The following GOLM2 variants were observed in gnomAD, a reference collection of about 807,000 sequenced individuals.
GOLM2 encodes protein GOLM2.
GOLM2 carries 26 observed loss-of-function variants against 55.9 expected under a neutral mutation model. The ratio of observed to expected loss-of-function variants is 0.47; its 90% CI spans 0.34 to 0.65. GOLM2 has a LOEUF of 0.65. Ranked by LOEUF, GOLM2 falls within the 30% of genes least tolerant of loss-of-function variation. The pLI, the probability that GOLM2 is intolerant of heterozygous loss-of-function variation, is 0.01. For synonymous variants in GOLM2, 165 were observed against 194.6 expected (o/e 0.85, Z 1.27); for missense variants, 486 against 531.8 (o/e 0.91, Z 0.85).
chr15:44,360,614 A>G (rs558591385), intron 6 of GOLM2, among the ~76,000 whole-genome samples: 2 of 152,308 alleles, frequency 1.3e-5, no homozygotes, highest in South Asian at 2.1e-4. Context: ...GGTGACTTTA[A>G]TGGGTGACTG....
intron 8 of GOLM2, among the ~76,000 whole-genome samples, chr15:44,392,583 A>G (rs1476759441): frequency 2.0e-5 from 3 of 151,810 alleles, no homozygotes; most frequent in Non-Finnish European, 4.4e-5. Flanking sequence ...AGATTGTGCC[A>G]CTGCACTCCA....
At chr15:44,389,097 G>A (rs774250143) in intron 8 of GOLM2, among the ~76,000 whole-genome samples, 1 of 152,070 alleles carries the variant, frequency 6.6e-6, no homozygotes, top group African/African-American at 2.4e-5. Context: ...GATTACAGGC[G>A]TGAGCCACCA....
rs58317520 is a variant in GOLM2 at position 44,369,067 on chromosome 15, T to TTATATA, written c.803-10578_803-10573dup. The stretch of plus-strand genomic sequence containing the variant: ...AGATATATACATATAATAGGATATA[T>TTATATA]TATATATATATATATATATATATAT... On this transcript the variant is annotated intron_variant, in intron 6 of 9. Transcript: ENST00000299957. Among the ~76,000 whole-genome samples the TTATATA allele has an allele frequency of 7.8e-3, 178 of 22,928 alleles. 15 individuals carry two copies. The highest frequency in any genetic ancestry group is 0.011 in the South Asian group (6 of 534). The allele number at this position is 22,928 out of a possible 152,430, so 15.0% of individuals were successfully genotyped here. A position where few individuals can be genotyped will look rare whatever the true frequency, so the allele number is the denominator to read the frequency against.
chr15:44,385,338 C>A, intron 8 of GOLM2, among the ~76,000 whole-genome samples: 1 of 133,714 alleles, frequency 7.5e-6, no homozygotes, highest in African/African-American at 2.7e-5. Context: ...CTCCCTCCCT[C>A]CCTTCCTCCC....
At chr15:44,316,637 C>T (rs2141125036) in intron 1 of GOLM2, among the ~76,000 whole-genome samples, 1 of 152,118 alleles carries the variant, frequency 6.6e-6, no homozygotes, top group East Asian at 1.9e-4. Context: ...CGCCTGTAAT[C>T]CCAGCTGCCC....
intron 9 of GOLM2, among the ~76,000 whole-genome samples, chr15:44,412,731 T>C (rs2079646474): frequency 6.6e-6 from 1 of 152,110 alleles, no homozygotes; most frequent in Admixed American, 6.6e-5. Flanking sequence ...GGCTGGGCAC[T>C]GTGGCTCACG....
chr15:44,394,014 G>A (rs2079508803), intron 8 of GOLM2, among the ~76,000 whole-genome samples: 1 of 152,146 alleles, frequency 6.6e-6, no homozygotes, highest in African/African-American at 2.4e-5. Context: ...TTTATACAAG[G>A]GACTTTAACA....
intron 9 of GOLM2, chr15:44,409,587 T>G (rs1295444222): frequency 3.0e-5 from 2 of 66,134 alleles, no homozygotes; most frequent in Non-Finnish European, 5.0e-5. Flanking sequence ...CAAGACCCTC[T>G]CTCTCAAAAA....
intron 4 of GOLM2, among the ~76,000 whole-genome samples, chr15:44,335,015 ACGAGACTACATC>A (rs1440240903): frequency 1.3e-5 from 2 of 152,198 alleles, no homozygotes; most frequent in Non-Finnish European, 2.9e-5. Context: ...TGACAGCAGA[ACGAGACTACATC>A]TCAAAAATTA....
At chr15:44,343,957 A>G (rs1009522262) in intron 6 of GOLM2, among the ~76,000 whole-genome samples, 1 of 152,034 alleles carries the variant, frequency 6.6e-6, no homozygotes, top group Non-Finnish European at 1.5e-5. Flanking sequence ...CTATCTTTAA[A>G]TATACCTCTG....
intron 6 of GOLM2, among the ~76,000 whole-genome samples, chr15:44,377,398 T>C (rs1268089484): frequency 1.3e-5 from 2 of 152,090 alleles, no homozygotes; most frequent in Admixed American, 1.3e-4. Flanking sequence ...AAATAATCCT[T>C]GTGACTCTGC....
intron 6 of GOLM2, among the ~76,000 whole-genome samples, chr15:44,357,194 GAA>G (rs941347726): frequency 3.3e-5 from 5 of 151,292 alleles, no homozygotes; most frequent in African/African-American, 1.2e-4. Flanking sequence ...AAAAGAAAAA[GAA>G]AAAAGTGTAT....
At chr15:44,353,741 C>T (rs1318440194) in intron 6 of GOLM2, among the ~76,000 whole-genome samples, 1 of 152,002 alleles carries the variant, frequency 6.6e-6, no homozygotes, top group African/African-American at 2.4e-5. Flanking sequence ...AATAGTTGAA[C>T]TCATGGGAAT....
chr15:44,336,744 G>T (rs1480648220), intron 4 of GOLM2, among the ~76,000 whole-genome samples: 2 of 151,704 alleles, frequency 1.3e-5, no homozygotes, highest in Non-Finnish European at 2.9e-5. Flanking sequence ...GTGAAACCCC[G>T]TCTCTACTAA....
intron 3 of GOLM2, among the ~76,000 whole-genome samples, chr15:44,331,101 A>G (rs111513131): frequency 0.1 from 15,803 of 152,006 alleles, 1,764 homozygotes; most frequent in African/African-American, 0.27. Context: ...TGCAACCTCC[A>G]CCTCCTGGGT....
chr15:44,348,436 G>T (rs1464807940), intron 6 of GOLM2: 1 of 151,826 alleles, frequency 6.6e-6, no homozygotes, highest in Non-Finnish European at 1.5e-5. Context: ...ACTCCCCATG[G>T]GCCTGTGGTA....
intron 8 of GOLM2, among the ~76,000 whole-genome samples, chr15:44,393,183 A>G (rs2079503171): frequency 6.6e-6 from 1 of 152,214 alleles, no homozygotes; most frequent in Non-Finnish European, 1.5e-5. Context: ...TATTACATGC[A>G]AGATTTATAT....
At chr15:44,407,168 ATAT>A (rs1444568729) in intron 9 of GOLM2, among the ~76,000 whole-genome samples, 1 of 146,576 alleles carries the variant, frequency 6.8e-6, no homozygotes, top group African/African-American at 2.5e-5. Context: ...TATTTCTATT[ATAT>A]ATTTATAACA....
At chr15:44,352,860 C>T (rs1313344761) in intron 6 of GOLM2, among the ~76,000 whole-genome samples, 3 of 150,678 alleles carry the variant, frequency 2.0e-5, no homozygotes, top group African/African-American at 4.9e-5. Flanking sequence ...GAGCCCAGAT[C>T]GCGCCATTTT....
Sources: allele counts gnomAD v4.1 joint callset (sites outside exome capture counted in the v4.1 genomes callset), GRCh38; gene constraint gnomAD v4.1.1; transcripts MANE v1.5; gene names NCBI Gene and HGNC (gene_info 2026-07-23, HGNC 2026-07-21).